Variants in STIM2 observed in about 807,000 individuals in gnomAD.
The protein encoded by STIM2 is stromal interaction molecule 2.
STIM2 carries 31 observed loss-of-function variants against 85.8 expected under a neutral mutation model. The observed-to-expected ratio is 0.36, with a 90% CI of 0.27 to 0.49. STIM2 has a LOEUF of 0.49. Ranked by LOEUF, STIM2 falls within the 20% of genes least tolerant of loss-of-function variation. STIM2 has a pLI of 0.98. For missense variants in STIM2, 841 were observed against 927.6 expected (o/e 0.91, Z 1.21); for synonymous variants, 356 against 331.1 (o/e 1.08, Z -0.82).
At chr4:26,947,718 G>C (rs757110844) in intron 2 of STIM2, among the ~76,000 whole-genome samples, 1 of 152,156 alleles carries the variant, frequency 6.6e-6, no homozygotes, top group Non-Finnish European at 1.5e-5. Context: ...TGAGTGTGTG[G>C]GGCTCTGCTT....
chr4:26,918,641 G>A (rs185380495), intron 1 of STIM2, among the ~76,000 whole-genome samples: 6 of 152,222 alleles, frequency 3.9e-5, no homozygotes, highest in South Asian at 2.1e-4. Context: ...TTGTCAGTCC[G>A]CCAGTCAGCC....
At chr4:26,923,553 T>C (rs1724894271) in intron 2 of STIM2, among the ~76,000 whole-genome samples, 1 of 138,412 alleles carries the variant, frequency 7.2e-6, no homozygotes, top group African/African-American at 2.7e-5. Flanking sequence ...GAACAACCGG[T>C]ACCAGCCGCT....
rs143959086 is a variant in STIM2, at chr4:26,920,440, CT to C, written c.282+807del. On this transcript the variant is annotated intron_variant, in intron 2 of 11. Transcript: ENST00000467087. ...GTCTGGTTTCTGTCTTAGTTTCTCC[CT>C]AAAAGTTGGCTTCTTTGAGTGTTGT... Among the ~76,000 whole-genome samples, 1,212 of 152,272 alleles carry C rather than the reference CT, an allele frequency of 8.0e-3. 26 individuals carry two copies. Among genetic ancestry groups the C allele is most frequent in the African/African-American group, 0.028 (1,161 of 41,554 alleles).
At chr4:26,965,655 T>G (rs1201047411) in intron 3 of STIM2, among the ~76,000 whole-genome samples, 1 of 152,134 alleles carries the variant, frequency 6.6e-6, no homozygotes, top group Admixed American at 6.6e-5. Flanking sequence ...TTTGTTTTAT[T>G]ATTCTCAGTT....
chr4:26,934,878 A>T (rs1027645484), intron 2 of STIM2, among the ~76,000 whole-genome samples: 1 of 147,624 alleles, frequency 6.8e-6, no homozygotes, highest in Non-Finnish European at 1.5e-5. Flanking sequence ...GCGCCATTGA[A>T]CTACAGCCTG....
intron 3 of STIM2, among the ~76,000 whole-genome samples, chr4:26,978,675 A>G (rs1329256844): frequency 1.3e-5 from 2 of 152,016 alleles, no homozygotes; most frequent in Admixed American, 6.6e-5. Context: ...TGCTGCTGTG[A>G]CCTCCAGAAT....
chr4:26,989,520 G>A (rs2109120509), intron 3 of STIM2, among the ~76,000 whole-genome samples: 1 of 152,268 alleles, frequency 6.6e-6, no homozygotes, highest in Non-Finnish European at 1.5e-5. Flanking sequence ...GCCGAATGGG[G>A]AAAAATTGAA....
At chr4:26,937,653 G>A (rs986050056) in intron 2 of STIM2, among the ~76,000 whole-genome samples, 2 of 152,108 alleles carry the variant, frequency 1.3e-5, no homozygotes, top group Non-Finnish European at 2.9e-5. Context: ...TTTTTTCTGA[G>A]TGAAAGAGAG....
chr4:26,972,275 A>G (rs1041416683), intron 3 of STIM2, among the ~76,000 whole-genome samples: 6 of 152,112 alleles, frequency 3.9e-5, no homozygotes, highest in Non-Finnish European at 7.4e-5. Flanking sequence ...TCCCAACACT[A>G]TGTTGAATAG....
Position 26,870,169 on chromosome 4 carries a change from A to G in STIM2, c.151+8800A>G, listed in dbSNP as rs142545524. Among the ~76,000 whole-genome samples the G allele has an allele frequency of 4.9e-3, 748 of 152,288 alleles. 8 individuals are homozygous for G. The highest frequency in any genetic ancestry group is 0.017 in the African/African-American group (724 of 41,544). On this transcript the variant is annotated intron_variant, in intron 1 of 11. Transcript: ENST00000467087. ...GGAGAGATGTTGAAACTTCAAGTAC[A>G]AAGATTCAGTTATGCAACATAAATA...
At chr4:26,936,976 A>G (rs1393353425) in intron 2 of STIM2, among the ~76,000 whole-genome samples, 1 of 151,846 alleles carries the variant, frequency 6.6e-6, no homozygotes, top group Non-Finnish European at 1.5e-5. Context: ...TTTTGTAGAG[A>G]TGGGGTTCCA....
intron 4 of STIM2, among the ~76,000 whole-genome samples, chr4:26,996,614 G>A (rs1727968676): frequency 6.6e-6 from 1 of 151,912 alleles, no homozygotes; most frequent in African/African-American, 2.4e-5. Flanking sequence ...TGAAATTATA[G>A]GGATAAGAGT....
At chr4:26,913,040 T>A (rs898576727) in intron 1 of STIM2, among the ~76,000 whole-genome samples, 1 of 152,128 alleles carries the variant, frequency 6.6e-6, no homozygotes, top group African/African-American at 2.4e-5. Context: ...CCACTCTCAG[T>A]TGAGAACTAG....
At chr4:27,011,648 G>A (rs758094739) in intron 10 of STIM2, among the ~76,000 whole-genome samples, 2 of 152,132 alleles carry the variant, frequency 1.3e-5, no homozygotes, top group Non-Finnish European at 2.9e-5. Flanking sequence ...TTTGCAACTC[G>A]AATGCGTATG....
chr4:26,920,783 G>A (rs978804922), intron 2 of STIM2, among the ~76,000 whole-genome samples: 1 of 152,116 alleles, frequency 6.6e-6, no homozygotes, highest in Admixed American at 6.6e-5. Context: ...GATGTTTTTA[G>A]AGGGCTCTTA....
At chr4:27,020,960 CCCTTT>C (rs1728887908) in intron 11 of STIM2, 1 of 1,524,808 alleles carries the variant, frequency 6.6e-7, no homozygotes, top group Admixed American at 2.0e-5. Flanking sequence ...CCTTGACTCT[CCCTTT>C]CATTTCTCAA....
rs1338623899 is a variant in STIM2 at position 26,879,534 on chromosome 4, GT to G, written c.151+18167del. On this transcript the variant is annotated intron_variant, in intron 1 of 11. Transcript: ENST00000467087. The stretch of plus-strand genomic sequence containing the variant: ...TCTGATAGCTTTACACAGTCATTGT[GT>G]TAAGTTTTTCATAGGTTCACATTTA... Among the ~76,000 whole-genome samples the G allele has an allele frequency of 6.6e-5, 10 of 152,160 alleles. No individual in the cohort carries two copies. The South Asian group carries it at 1.0e-3, about 16-fold the overall frequency.
At chr4:26,965,423 A>G (rs1187974200) in intron 3 of STIM2, among the ~76,000 whole-genome samples, 1 of 152,110 alleles carries the variant, frequency 6.6e-6, no homozygotes, top group African/African-American at 2.4e-5. Context: ...GTTATAATTG[A>G]TTTTTGTACT....
chr4:26,885,853 ATATATATATATATATATATATG>A (rs1225773902), intron 1 of STIM2, among the ~76,000 whole-genome samples: 54 of 58,656 alleles, frequency 9.2e-4, no homozygotes, highest in African/African-American at 3.9e-3. Context: ...ATATATATAT[ATATATATATATATATATATATG>A]TATATGTCTA....
Sources: allele counts gnomAD v4.1 joint callset (sites outside exome capture counted in the v4.1 genomes callset), GRCh38; gene constraint gnomAD v4.1.1; transcripts MANE v1.5; gene names NCBI Gene and HGNC (gene_info 2026-07-23, HGNC 2026-07-21).